Variants in ANAPC10 observed in about 807,000 individuals in gnomAD.
The protein encoded by ANAPC10 is anaphase promoting complex subunit 10.
A neutral mutation model predicts 22.0 loss-of-function variants in ANAPC10; 12 were observed. The observed-to-expected ratio is 0.55, with a 90% CI of 0.35 to 0.88. ANAPC10 has a LOEUF of 0.88. Ranked by LOEUF, ANAPC10 falls within the 40% of genes least tolerant of loss-of-function variation. ANAPC10 has a pLI of 0.01. For synonymous variants in ANAPC10, 65 were observed against 69.5 expected (o/e 0.94, Z 0.32); for missense variants, 188 against 220.9 (o/e 0.85, Z 0.94).
chr4:145,061,827 G>GT, intron 4 of ANAPC10, among the ~76,000 whole-genome samples: 1 of 152,132 alleles, frequency 6.6e-6, no homozygotes, highest in Admixed American at 6.5e-5. Context: ...AAAATAAGAG[G>GT]CCAGGCGCGG....
At chr4:145,000,215 A>G (rs940268255) in intron 4 of ANAPC10, among the ~76,000 whole-genome samples, 3 of 152,200 alleles carry the variant, frequency 2.0e-5, no homozygotes, top group Non-Finnish European at 2.9e-5. Context: ...ATCTAATTAA[A>G]CTAAAGAGCT....
At chr4:145,024,836 T>G (rs1181051197) in intron 4 of ANAPC10, among the ~76,000 whole-genome samples, 1 of 152,244 alleles carries the variant, frequency 6.6e-6, no homozygotes, top group Non-Finnish European at 1.5e-5. Flanking sequence ...AGCCAGGCAT[T>G]GACTTCTCCT....
chr4:145,028,627 A>G (rs1167894626), intron 4 of ANAPC10, among the ~76,000 whole-genome samples: 1 of 152,064 alleles, frequency 6.6e-6, no homozygotes, highest in Admixed American at 6.6e-5. Context: ...ATATGATTAG[A>G]CCCAAAACTG....
upstream of ANAPC10, chr4:145,098,537 C>CGCGTGGCAGCGGTTCCT: frequency 6.6e-6 from 1 of 152,356 alleles, no homozygotes; most frequent in Non-Finnish European, 1.5e-5. Context: ...ACAGCAGCAG[C>CGCGTGGCAGCGGTTCCT]GCGTGGCAGC....
chr4:145,062,221 C>A (rs549053758), intron 4 of ANAPC10, among the ~76,000 whole-genome samples: 64 of 152,170 alleles, frequency 4.2e-4, no homozygotes, highest in Non-Finnish European at 4.7e-4. Context: ...GCCTGTCAGA[C>A]AAAAGAAGAA....
At chr4:145,094,051 C>T (rs1312468224) in intron 2 of ANAPC10, among the ~76,000 whole-genome samples, 1 of 152,154 alleles carries the variant, frequency 6.6e-6, no homozygotes, top group African/African-American at 2.4e-5. Context: ...CACAGAAGGG[C>T]ATGAATACCA....
intron 4 of ANAPC10, among the ~76,000 whole-genome samples, chr4:145,017,345 T>C (rs1029721300): frequency 1.3e-5 from 2 of 152,126 alleles, no homozygotes; most frequent in African/African-American, 4.8e-5. Context: ...AAGACATTTA[T>C]GCAGTCAACA....
chr4:145,012,183 TATATATATATATACAC>T lies in ANAPC10; in HGVS notation c.328-16596_328-16581del, dbSNP rs544146311. Among the ~76,000 whole-genome samples the T allele has an allele frequency of 3.3e-4, 47 of 144,120 alleles. 1 individual carries two copies. The East Asian group carries it at 8.9e-3, about 27-fold the overall frequency. 94.5% of individuals were successfully genotyped at this position (144,120 alleles called of 152,430 possible). The stretch of plus-strand genomic sequence containing the variant: ...ATGTATATGTGTGTGTGTGTATATA[TATATATATATATACAC>T]ACACACATATATATACATATATATA... On this transcript the variant is annotated intron_variant, in intron 4 of 4. Transcript: ENST00000507656.
At chr4:145,075,480 C>T (rs536059930) in intron 3 of ANAPC10, among the ~76,000 whole-genome samples, 1 of 151,698 alleles carries the variant, frequency 6.6e-6, no homozygotes, top group Non-Finnish European at 1.5e-5. Flanking sequence ...CTTCATTCAC[C>T]GAGAAACCAG....
intron 1 of ANAPC10, chr4:145,097,611 G>A (rs1748776869): frequency 3.0e-6 from 3 of 1,003,390 alleles, no homozygotes; most frequent in Non-Finnish European, 4.1e-6. Flanking sequence ...AAGGCCTGAG[G>A]CTTAAACGCT....
At chr4:145,048,000 T>G (rs1740575955) in intron 4 of ANAPC10, among the ~76,000 whole-genome samples, 1 of 152,136 alleles carries the variant, frequency 6.6e-6, no homozygotes, top group African/African-American at 2.4e-5. Context: ...TTGCCCTATA[T>G]TCCCCAAAGC....
intron 4 of ANAPC10, among the ~76,000 whole-genome samples, chr4:145,051,204 T>C (rs1560877940): frequency 6.6e-6 from 1 of 151,748 alleles, no homozygotes; most frequent in Non-Finnish European, 1.5e-5. Flanking sequence ...TTCAATATTG[T>C]TGTGTCTCAG....
At chr4:145,054,153 C>T (rs1741558151) in intron 4 of ANAPC10, among the ~76,000 whole-genome samples, 1 of 151,416 alleles carries the variant, frequency 6.6e-6, no homozygotes, top group South Asian at 2.1e-4. Context: ...GTGATCTGCC[C>T]GCTGCGGCCT....
intron 4 of ANAPC10, among the ~76,000 whole-genome samples, chr4:145,027,338 T>A (rs2127030491): frequency 6.6e-6 from 1 of 151,888 alleles, no homozygotes; most frequent in South Asian, 2.1e-4. Context: ...TTAAATGAAT[T>A]GGAAGACAGG....
chr4:145,035,446 ATATAC>A (rs1390886551), intron 4 of ANAPC10: 1 of 152,222 alleles, frequency 6.6e-6, no homozygotes, highest in Non-Finnish European at 1.5e-5. Flanking sequence ...TTTATAGATC[ATATAC>A]ATTGTCATTA....
intron 3 of ANAPC10, among the ~76,000 whole-genome samples, chr4:145,074,047 T>C (rs571141529): frequency 7.2e-5 from 11 of 151,966 alleles, no homozygotes; most frequent in Non-Finnish European, 1.6e-4. Flanking sequence ...AAAATATTAT[T>C]CCCAATATTC....
At chr4:144,996,852 C>T (rs959550780) in intron 4 of ANAPC10, among the ~76,000 whole-genome samples, 2 of 152,076 alleles carry the variant, frequency 1.3e-5, no homozygotes, top group South Asian at 2.1e-4. Context: ...AAAGATTAGA[C>T]GAATGGCTAA....
intron 4 of ANAPC10, among the ~76,000 whole-genome samples, chr4:145,004,094 C>T (rs1203535502): frequency 6.6e-6 from 1 of 152,030 alleles, no homozygotes; most frequent in Non-Finnish European, 1.5e-5. Flanking sequence ...GTTTTTCTCT[C>T]TGTGGCTACT....
intron 4 of ANAPC10, among the ~76,000 whole-genome samples, chr4:145,015,092 C>T (rs1396967340): frequency 6.6e-6 from 1 of 151,886 alleles, no homozygotes; most frequent in Non-Finnish European, 1.5e-5. Context: ...AAAAGAAATC[C>T]CTGACTTACC....
Sources: gnomAD v4.1 joint callset for allele counts (sites outside exome capture counted in the v4.1 genomes callset) on GRCh38, gnomAD v4.1.1 for gene constraint, MANE v1.5 for transcripts, NCBI Gene and HGNC (gene_info 2026-07-23, HGNC 2026-07-21) for gene names.